The following CAND1 variants were observed in gnomAD, a reference collection of about 807,000 sequenced individuals.
CAND1 encodes cullin associated and neddylation dissociated 1.
A neutral mutation model predicts 108.5 loss-of-function variants in CAND1; 7 were observed. The ratio of observed to expected loss-of-function variants is 0.06; its 90% confidence interval spans 0.04 to 0.12. CAND1 has a LOEUF of 0.12. Among genes scored for constraint, CAND1 ranks in the 10% least tolerant of loss-of-function variants. The probability of loss-of-function intolerance (pLI) is 1.00; values close to 1 mark genes in which losing one functional copy is unlikely to be tolerated. For synonymous variants in CAND1, 534 were observed against 512.0 expected, an observed-to-expected ratio of 1.04 and a Z score of -0.58; for missense variants, 941 against 1,448.7, an observed-to-expected ratio of 0.65 and a Z score of 5.69.
intron 8 of CAND1, among the ~76,000 whole-genome samples, chr12:67,304,209 C>T (rs765629929): frequency 2.6e-5 from 4 of 151,988 alleles, no homozygotes; most frequent in Non-Finnish European, 5.9e-5. Context: ...AGAATGGTCT[C>T]GATTTCTTGA....
In CAND1 at chr12:67,316,332, C is replaced by A. The variant is rs933808347; in HGVS notation, c.*3502C>A. ...GTATTTGGCTACAGGCTACCCAAAT[C>A]TCATCAGATAAGGCTGTTTTCTTAA... On this transcript the variant is annotated 3_prime_UTR_variant, in exon 15 of 15. Transcript: ENST00000545606. 1 of 152,158 alleles carries A rather than the reference C, an allele frequency of 6.6e-6. No homozygotes were observed. Among genetic ancestry groups the A allele is most frequent in the Non-Finnish European group, 1.5e-5 (1 of 68,024 alleles). 9.4% of individuals were successfully genotyped at this position (152,158 alleles called of 1,614,324 possible).
chr12:67,310,681 C>T (rs1459217103), intron 13 of CAND1: 1 of 158,422 alleles, frequency 6.3e-6, no homozygotes, highest in Non-Finnish European at 1.4e-5. Context: ...TAGTTGCTAC[C>T]CATGGAGGGT....
intron 4 of CAND1, among the ~76,000 whole-genome samples, chr12:67,295,843 C>T (rs888835551): frequency 4.6e-5 from 7 of 152,004 alleles, no homozygotes; most frequent in South Asian, 2.1e-4. Flanking sequence ...TTATACTTTA[C>T]GATAGGACAT....
At chr12:67,273,359 AATAG>A (rs1303023977) in intron 1 of CAND1, among the ~76,000 whole-genome samples, 7 of 152,182 alleles carry the variant, frequency 4.6e-5, no homozygotes, top group African/African-American at 1.7e-4. Flanking sequence ...TAATGTAGCC[AATAG>A]ATAGGGGATT....
intron 14 of CAND1, among the ~76,000 whole-genome samples, chr12:67,312,132 T>G (rs1252402): frequency 0.55 from 84,102 of 151,670 alleles, 24,437 homozygotes; most frequent in Non-Finnish European, 0.65. Context: ...TCATATTAGG[T>G]TGACAACATT....
At chr12:67,292,431 C>T (rs2044730982) in intron 2 of CAND1, among the ~76,000 whole-genome samples, 191 bp from the exon 3 acceptor site, 1 of 152,160 alleles carries the variant, frequency 6.6e-6, no homozygotes, top group Non-Finnish European at 1.5e-5. Flanking sequence ...ATGAGAAAAA[C>T]TTGGAAACCA....
At chr12:67,288,326 C>T (rs1184121057) in intron 2 of CAND1, among the ~76,000 whole-genome samples, 1 of 151,856 alleles carries the variant, frequency 6.6e-6, no homozygotes, top group Non-Finnish European at 1.5e-5. Context: ...CAGGGTTTCA[C>T]CATGTTGGCC....
intron 2 of CAND1, among the ~76,000 whole-genome samples, chr12:67,287,891 A>G (rs983224169): frequency 3.2e-5 from 2 of 61,632 alleles, no homozygotes; most frequent in African/African-American, 5.9e-5. Flanking sequence ...TCCATTGGTT[A>G]TTTAGAAGCA....
intron 7 of CAND1, 130 bp from the exon 8 acceptor site, chr12:67,302,193 A>T: frequency 2.8e-6 from 2 of 706,332 alleles, no homozygotes; most frequent in Non-Finnish European, 4.7e-6. Context: ...GTTGAAACCT[A>T]CCTGTTGCTG....
chr12:67,281,883 A>G, intron 1 of CAND1, 27 bp from the exon 2 acceptor site: 2 of 1,521,524 alleles, frequency 1.3e-6, no homozygotes, highest in Non-Finnish European at 1.8e-6. Context: ...AAAATTTTCA[A>G]ATTAACAAAT....
intron 13 of CAND1, 155 bp downstream of exon 13, chr12:67,310,471 G>A (rs1258021717): frequency 1.8e-6 from 1 of 555,150 alleles, no homozygotes; most frequent in Non-Finnish European, 3.2e-6. Flanking sequence ...AAAAGTAATA[G>A]GCAGTGTAAC....
chr12:67,289,429 C>T (rs909246074), intron 2 of CAND1, among the ~76,000 whole-genome samples: 2 of 152,080 alleles, frequency 1.3e-5, no homozygotes, highest in Non-Finnish European at 2.9e-5. Flanking sequence ...CAACCTGTCA[C>T]CCAGGTGAGG....
chr12:67,274,156 G>C (rs1321440770), intron 1 of CAND1, among the ~76,000 whole-genome samples: 1 of 152,026 alleles, frequency 6.6e-6, no homozygotes, highest in Non-Finnish European at 1.5e-5. Flanking sequence ...TAGGCTTATA[G>C]AATATTTCAT....
At chr12:67,282,285 G>A (rs2044626938) in intron 2 of CAND1, 1 of 343,324 alleles carries the variant, frequency 2.9e-6, no homozygotes, top group Non-Finnish European at 5.2e-6. Flanking sequence ...CGAAGTGCAT[G>A]TAGGGAACTC....
chr12:67,274,531 C>A (rs1186580649), intron 1 of CAND1, among the ~76,000 whole-genome samples: 1 of 152,190 alleles, frequency 6.6e-6, no homozygotes, highest in East Asian at 1.9e-4. Context: ...CGGAATCGTT[C>A]TCTTTGTCTG....
intron 2 of CAND1, among the ~76,000 whole-genome samples, chr12:67,286,890 G>A (rs2044676925): frequency 6.6e-6 from 1 of 152,110 alleles, no homozygotes; most frequent in South Asian, 2.1e-4. Context: ...AGTTGATGCA[G>A]CACTGTTTAT....
At chr12:67,282,375 C>A (rs544685976) in intron 2 of CAND1, among the ~76,000 whole-genome samples, 13 of 152,130 alleles carry the variant, frequency 8.5e-5, no homozygotes, top group African/African-American at 2.9e-4. Context: ...CTCTATGTAT[C>A]TCTGTATTCC....
intron 11 of CAND1, 30 bp from the exon 12 acceptor site, chr12:67,309,869 GTC>G (rs2044930339): frequency 6.7e-7 from 1 of 1,492,496 alleles, no homozygotes; most frequent in South Asian, 1.2e-5. Context: ...AGTTTATCAT[GTC>G]TGTCTGTTGC....
chr12:67,280,602 T>C (rs564980080), intron 1 of CAND1, among the ~76,000 whole-genome samples: 1 of 152,254 alleles, frequency 6.6e-6, no homozygotes, highest in Non-Finnish European at 1.5e-5. Flanking sequence ...CCAAGAATTA[T>C]GGGACAAGTT....
Sources: allele counts gnomAD v4.1 joint callset (sites outside exome capture counted in the v4.1 genomes callset), GRCh38; gene constraint gnomAD v4.1.1; transcripts MANE v1.5; gene names NCBI Gene and HGNC (gene_info 2026-07-23, HGNC 2026-07-21).